The following LAMC2 variants were observed in gnomAD, a reference collection of about 807,000 sequenced individuals.
The protein encoded by LAMC2 is laminin subunit gamma 2, also known as laminin subunit gamma-2.
Under a neutral mutation model 140.2 loss-of-function variants are expected in LAMC2, and 97 were observed. That is an observed-to-expected ratio of 0.69 (90% CI 0.59 to 0.82). The LOEUF (loss-of-function observed/expected upper bound fraction) is 0.82. LAMC2 is among the 40% of genes least tolerant of loss of function. The pLI, the probability that LAMC2 is intolerant of heterozygous loss-of-function variation, is 0.00. For missense variants in LAMC2, 1,402 were observed against 1,476.1 expected (o/e 0.95, Z 0.82); for synonymous variants, 513 against 540.2 (o/e 0.95, Z 0.70).
chr1:183,247,613 C>A (rs115462554), downstream of LAMC2, among the ~76,000 whole-genome samples: 2 of 150,902 alleles, frequency 1.3e-5, no homozygotes, highest in South Asian at 2.1e-4. Context: ...ATCTGATAAA[C>A]AAACAGCTAA....
chr1:183,253,817 T>C, the LAMC2 span, among the ~76,000 whole-genome samples: 1 of 152,240 alleles, frequency 6.6e-6, no homozygotes, highest in African/African-American at 2.4e-5. Flanking sequence ...GTCTGGCTTA[T>C]GTCACTTGGC....
intron 1 of LAMC2, among the ~76,000 whole-genome samples, chr1:183,200,792 G>A (rs938533667): frequency 3.2e-4 from 48 of 152,200 alleles, no homozygotes; most frequent in African/African-American, 9.9e-4. Context: ...GGTGAGTGTG[G>A]GTGGTAGTGG....
rs569169143 is a variant in LAMC2, at chr1:183,215,687, C to T, written c.404+99C>T. Reference sequence around the variant, plus strand: ...TATTTACTGAGCCCCTACCCTGTGCCAAACACTGCTTTGAGAGTACATCAT... The same window carrying T: ...TATTTACTGAGCCCCTACCCTGTGCTAAACACTGCTTTGAGAGTACATCAT... On this transcript the variant is annotated intron_variant, in intron 3 of 22. Transcript: ENST00000264144. 1.2e-4 allele frequency: 163 copies of T among 1,405,210 alleles called. 4 individuals are homozygous for T. The East Asian group carries it at 3.6e-3, about 31-fold the overall frequency. 87.0% of individuals were successfully genotyped at this position (1,405,210 alleles called of 1,614,324 possible).
At chr1:183,231,719 T>C (rs1029774184) in intron 12 of LAMC2, among the ~76,000 whole-genome samples, 4 of 152,208 alleles carry the variant, frequency 2.6e-5, no homozygotes, top group East Asian at 1.9e-4. Flanking sequence ...GGAATGAGGA[T>C]TGGGGAAGAC....
At chr1:183,188,976 C>T (rs560714200) in intron 1 of LAMC2, among the ~76,000 whole-genome samples, 1 of 152,292 alleles carries the variant, frequency 6.6e-6, no homozygotes, top group South Asian at 2.1e-4. Flanking sequence ...ATTAGTGTGA[C>T]TGGATTCATG....
chr1:183,235,734 C>A lies in LAMC2; in HGVS notation c.2456+4C>A. ...TGGTGCAAGGGCTTGTGGAAAAGTA[C>A]GTTCCTACGGGTCCTCCCGTGGCTC... On this transcript the variant is annotated splice_donor_region_variant and intron_variant, in intron 16 of 22. Transcript: ENST00000264144. The A allele has an allele frequency of 6.2e-7, 1 of 1,613,920 alleles. No homozygotes were observed. The highest frequency in any genetic ancestry group is 8.5e-7 in the Non-Finnish European group (1 of 1,179,970).
At chr1:183,207,757 G>A (rs1658933851) in intron 1 of LAMC2, 124 bp from the exon 2 acceptor site, 1 of 851,846 alleles carries the variant, frequency 1.2e-6, no homozygotes. Context: ...CCCGCAAGGA[G>A]TGTAGGTTAC....
At chr1:183,190,473 T>G (rs1050528511) in intron 1 of LAMC2, among the ~76,000 whole-genome samples, 5 of 151,908 alleles carry the variant, frequency 3.3e-5, no homozygotes, top group Admixed American at 6.6e-5. Flanking sequence ...CTGGATCTCG[T>G]ATCATTCCTT....
In LAMC2 at chr1:183,207,944, G is replaced by A. The variant is rs1658947445; in HGVS notation, c.143G>A (p.Gly48Asp). 1 of 1,613,532 alleles carries A rather than the reference G, an allele frequency of 6.2e-7. No individual in the cohort carries two copies. Among genetic ancestry groups the A allele is most frequent in the African/African-American group, 1.3e-5 (1 of 74,712 alleles). ...GATCGGGAACTTCACAGACAAACTG[G>A]TAATGGATTCCGCTGCCTCAACTGC... ...IFDRELHRQT[G>D]NGFRCLNCND... Residue 48 changes from glycine to aspartate, a missense_variant, in exon 2 of 23, where the codon GGT becomes GAT. By Grantham distance (94) the Gly-to-Asp change is moderately conservative (BLOSUM62 -1). Transcript: ENST00000264144.
chr1:183,247,736 A>G (rs1660268535), downstream of LAMC2, among the ~76,000 whole-genome samples: 1 of 152,224 alleles, frequency 6.6e-6, no homozygotes, highest in Non-Finnish European at 1.5e-5. Flanking sequence ...GGTGTGTGAT[A>G]TGACTGAAGG....
chr1:183,246,693 G>T (rs1450729973), downstream of LAMC2, among the ~76,000 whole-genome samples: 1 of 152,222 alleles, frequency 6.6e-6, no homozygotes, highest in East Asian at 1.9e-4. Context: ...AGGATAAGAA[G>T]ATGCTTAGTA....
At chr1:183,231,610 AG>A (rs1437659417) in intron 12 of LAMC2, among the ~76,000 whole-genome samples, 1 of 152,238 alleles carries the variant, frequency 6.6e-6, no homozygotes, top group Non-Finnish European at 1.5e-5. Flanking sequence ...GAAAGTATCA[AG>A]GCTTCCCAAA....
intron 16 of LAMC2, among the ~76,000 whole-genome samples, chr1:183,236,069 G>A (rs1431684761): frequency 6.6e-6 from 1 of 152,100 alleles, no homozygotes; most frequent in Non-Finnish European, 1.5e-5. Context: ...ATCAAGAAGT[G>A]GGGAATTTGG....
At chr1:183,208,140 A>G in intron 2 of LAMC2, 71 bp downstream of exon 2, 1 of 1,374,498 alleles carries the variant, frequency 7.3e-7, no homozygotes, top group African/African-American at 1.4e-5. Flanking sequence ...GGAAGGAAGG[A>G]GGAAAAGAAG....
chr1:183,220,404 G>A (rs1659431152), intron 4 of LAMC2, among the ~76,000 whole-genome samples: 1 of 152,060 alleles, frequency 6.6e-6, no homozygotes, highest in African/African-American at 2.4e-5. Context: ...GTGGTGCTGA[G>A]GCAGGAGCCT....
downstream of LAMC2, among the ~76,000 whole-genome samples, chr1:183,245,508 G>T (rs1660223911): frequency 6.6e-6 from 1 of 152,222 alleles, no homozygotes; most frequent in South Asian, 2.1e-4. Context: ...GGTTGCCTGG[G>T]GGATGGAGGG....
intron 1 of LAMC2, among the ~76,000 whole-genome samples, chr1:183,194,131 C>G (rs1467762371): frequency 6.6e-6 from 1 of 151,914 alleles, no homozygotes; most frequent in Admixed American, 6.6e-5. Flanking sequence ...TGCTGGCCAG[C>G]CTGGTCTCGA....
chr1:183,234,696 T>C (rs549376767), intron 15 of LAMC2, among the ~76,000 whole-genome samples: 1 of 152,288 alleles, frequency 6.6e-6, no homozygotes, highest in East Asian at 1.9e-4. Context: ...TGACTCACAG[T>C]ATGGCTGTGT....
chr1:183,193,139 G>T (rs563708978), intron 1 of LAMC2, among the ~76,000 whole-genome samples: 1 of 152,082 alleles, frequency 6.6e-6, no homozygotes, highest in African/African-American at 2.4e-5. Flanking sequence ...TCAATATATT[G>T]GCCTTTCCTT....
Sources: gnomAD v4.1 joint callset for allele counts (sites outside exome capture counted in the v4.1 genomes callset) on GRCh38, gnomAD v4.1.1 for gene constraint, MANE v1.5 for transcripts, NCBI Gene and HGNC (gene_info 2026-07-23, HGNC 2026-07-21) for gene names.